Variants in EEPD1 observed in about 807,000 individuals in gnomAD.
The protein encoded by EEPD1 is endonuclease/exonuclease/phosphatase family domain containing 1.
A neutral mutation model predicts 46.3 loss-of-function variants in EEPD1; 17 were observed. That is an observed-to-expected ratio of 0.37 (90% CI 0.25 to 0.55). The LOEUF (loss-of-function observed/expected upper bound fraction) is 0.55. EEPD1 is among the 20% of genes least tolerant of loss of function. The probability of loss-of-function intolerance (pLI) is 0.83; values close to 1 mark genes in which losing one functional copy is unlikely to be tolerated. For missense variants in EEPD1, 673 were observed against 745.6 expected (o/e 0.90, Z 1.13); for synonymous variants, 313 against 315.6 (o/e 0.99, Z 0.09).
chr7:36,268,347 G>T (rs1436151551), intron 3 of EEPD1, among the ~76,000 whole-genome samples: 5 of 152,134 alleles, frequency 3.3e-5, no homozygotes, highest in Non-Finnish European at 5.9e-5. Context: ...TTTTAGTGGA[G>T]ACGGGGTTTC....
Position 36,300,501 on chromosome 7 carries a change from T to TAGTAA in EEPD1, c.*1296_*1297insGTAAA, listed in dbSNP as rs1787603766. On this transcript the variant is annotated 3_prime_UTR_variant, in exon 8 of 8. Transcript: ENST00000242108. Reference sequence around the variant, plus strand: ...TTTATGCTTAACATGAATGGAAAAATATGAAAGTAAATAGTGAAAAGGTAA... The same window carrying TAGTAA: ...TTTATGCTTAACATGAATGGAAAAATAGTAAATGAAAGTAAATAGTGAAAAGGTAA... 3 of 152,204 alleles carry TAGTAA rather than the reference T, an allele frequency of 2.0e-5. No individual in the cohort carries two copies. Among genetic ancestry groups the TAGTAA allele is most frequent in the Non-Finnish European group, 2.9e-5 (2 of 68,032 alleles). The allele number at this position is 152,204 out of a possible 1,614,324, so 9.4% of individuals were successfully genotyped here. A position where few individuals can be genotyped will look rare whatever the true frequency, so the allele number is the denominator to read the frequency against.
intron 2 of EEPD1, among the ~76,000 whole-genome samples, chr7:36,207,273 A>G (rs1268414339): frequency 3.3e-5 from 5 of 152,276 alleles, no homozygotes; most frequent in Non-Finnish European, 1.5e-5. Context: ...GCAACACATG[A>G]GAAACCTTTA....
chr7:36,192,486 G>A (rs918886932), intron 2 of EEPD1, among the ~76,000 whole-genome samples: 1 of 149,154 alleles, frequency 6.7e-6, no homozygotes, highest in Non-Finnish European at 1.5e-5. Context: ...CTATTTTTGT[G>A]TGCATGTATT....
intron 2 of EEPD1, among the ~76,000 whole-genome samples, chr7:36,173,341 A>AAAC (rs1785123289): frequency 1.3e-5 from 2 of 150,550 alleles, no homozygotes; most frequent in Admixed American, 1.3e-4. Context: ...AAAAAAAAAA[A>AAAC]AAAAAAACTT....
At chr7:36,189,207 C>T (rs951349358) in intron 2 of EEPD1, among the ~76,000 whole-genome samples, 3 of 152,170 alleles carry the variant, frequency 2.0e-5, no homozygotes, top group South Asian at 2.1e-4. Context: ...TACTATCCAG[C>T]GCCTGACACA....
At chr7:36,237,588 G>C (rs777780051) in intron 2 of EEPD1, among the ~76,000 whole-genome samples, 1 of 152,132 alleles carries the variant, frequency 6.6e-6, no homozygotes, top group African/African-American at 2.4e-5. Flanking sequence ...TGGACCTTGT[G>C]CAAAAAAGAA....
intron 6 of EEPD1, among the ~76,000 whole-genome samples, chr7:36,293,373 C>A (rs1049044798): frequency 1.8e-4 from 28 of 152,144 alleles, no homozygotes; most frequent in Non-Finnish European, 2.2e-4. Flanking sequence ...CTTTAATATT[C>A]TAGTTGTGGT....
chr7:36,284,964 C>T, intron 5 of EEPD1, 144 bp downstream of exon 5: 1 of 1,177,900 alleles, frequency 8.5e-7, no homozygotes, highest in Non-Finnish European at 1.1e-6. Flanking sequence ...ATTTTTGTCT[C>T]TCCTGGGGCT....
At chr7:36,197,355 C>T (rs897241169) in intron 2 of EEPD1, among the ~76,000 whole-genome samples, 5 of 151,704 alleles carry the variant, frequency 3.3e-5, no homozygotes, top group African/African-American at 7.3e-5. Context: ...TCTGCCCGGC[C>T]GCCCCTACTG....
chr7:36,242,294 C>A (rs558130068), intron 3 of EEPD1, among the ~76,000 whole-genome samples: 2 of 152,140 alleles, frequency 1.3e-5, no homozygotes, highest in Non-Finnish European at 2.9e-5. Context: ...CCTCTTCCCC[C>A]ACCCTGATTC....
At chr7:36,263,205 G>A (rs1024190846) in intron 3 of EEPD1, among the ~76,000 whole-genome samples, 1 of 152,038 alleles carries the variant, frequency 6.6e-6, no homozygotes, top group Non-Finnish European at 1.5e-5. Flanking sequence ...GGCGATGCAC[G>A]TCTGTAGTCC....
chr7:36,216,346 T>G (rs1786030070), intron 2 of EEPD1, among the ~76,000 whole-genome samples: 1 of 152,120 alleles, frequency 6.6e-6, no homozygotes, highest in Non-Finnish European at 1.5e-5. Flanking sequence ...AGGAAACAAT[T>G]GGCAATCGTC....
In EEPD1 at chr7:36,260,302, A is replaced by G. The variant is rs1313004847; in HGVS notation, c.931-20813A>G. ...GAATGTATTTCATCTTCATTTTTGA[A>G]AGATAGTTTTCCTGGATGTAAGATT... On this transcript the variant is annotated intron_variant, in intron 3 of 7. Coordinates refer to ENST00000242108, the MANE Select transcript of EEPD1 (RefSeq NM_030636.3). 1.3e-5 allele frequency among the ~76,000 whole-genome samples: 2 copies of G among 152,200 alleles called. 1 individual carries two copies. The highest frequency in any genetic ancestry group is 1.3e-4 in the Admixed American group (2 of 15,280).
chr7:36,175,165 G>A (rs546157650), intron 2 of EEPD1, among the ~76,000 whole-genome samples: 1 of 152,314 alleles, frequency 6.6e-6, no homozygotes, highest in South Asian at 2.1e-4. Flanking sequence ...ATAGGTTATA[G>A]TTCACTGTGC....
At chr7:36,165,658 C>T (rs1044218798) in intron 2 of EEPD1, among the ~76,000 whole-genome samples, 77 of 150,778 alleles carry the variant, frequency 5.1e-4, no homozygotes, top group African/African-American at 1.6e-3. Context: ...AGGATGGTCT[C>T]GATCTCTTGA....
chr7:36,263,170 A>G (rs1455773144), intron 3 of EEPD1, among the ~76,000 whole-genome samples: 3 of 152,064 alleles, frequency 2.0e-5, no homozygotes, highest in East Asian at 1.9e-4. Context: ...CATTTATACA[A>G]AATATACAAA....
chr7:36,242,421 G>A (rs888230962), intron 3 of EEPD1, among the ~76,000 whole-genome samples: 17 of 152,090 alleles, frequency 1.1e-4, no homozygotes, highest in Admixed American at 7.9e-4. Flanking sequence ...AGCCAAATTC[G>A]CTGAGTTTCC....
chr7:36,166,676 A>G (rs1784987336), intron 2 of EEPD1, among the ~76,000 whole-genome samples: 1 of 152,250 alleles, frequency 6.6e-6, no homozygotes. Flanking sequence ...AATTTCAAAT[A>G]CAATATTTGC....
At chr7:36,189,230 A>G (rs111318679) in intron 2 of EEPD1, among the ~76,000 whole-genome samples, 9,266 of 152,304 alleles carry the variant, frequency 0.061, 353 homozygotes, top group South Asian at 0.086. Flanking sequence ...GTGGTCCCCA[A>G]AAACTATTTG....
Sources: allele counts gnomAD v4.1 joint callset (sites outside exome capture counted in the v4.1 genomes callset), GRCh38; gene constraint gnomAD v4.1.1; transcripts MANE v1.5; gene names NCBI Gene and HGNC (gene_info 2026-07-23, HGNC 2026-07-21).